The following ENTREP2 variants were observed in gnomAD, a reference collection of about 807,000 sequenced individuals.
ENTREP2 encodes the protein protein ENTREP2.
chr15:29,209,196 A>G, the ENTREP2 span, among the ~76,000 whole-genome samples: 1 of 152,138 alleles, frequency 6.6e-6, no homozygotes, highest in Non-Finnish European at 1.5e-5. Context: ...ACAGAGGATT[A>G]ATTTTTAAAA....
the ENTREP2 span, among the ~76,000 whole-genome samples, chr15:29,338,425 CAAA>C: frequency 5.0e-5 from 4 of 80,592 alleles, no homozygotes; most frequent in Non-Finnish European, 5.4e-5. Context: ...GACTCCATCT[CAAA>C]AAAAAAAAAA....
the ENTREP2 span, among the ~76,000 whole-genome samples, chr15:29,447,686 C>T: frequency 2.4e-3 from 367 of 149,814 alleles, 20 homozygotes; most frequent in East Asian, 0.066. Context: ...ATGGGGGTCT[C>T]GCCATGTTGC....
At chr15:29,202,978 T>C in the ENTREP2 span, among the ~76,000 whole-genome samples, 4 of 152,244 alleles carry the variant, frequency 2.6e-5, no homozygotes, top group Admixed American at 6.5e-5. Context: ...CAGAATGATT[T>C]ATAATCCTTT....
the ENTREP2 span, among the ~76,000 whole-genome samples, chr15:29,603,102 A>G: frequency 2.0e-5 from 3 of 152,174 alleles, no homozygotes; most frequent in African/African-American, 7.2e-5. Context: ...CTCTGGCTGC[A>G]GTGTGGTGAG....
the ENTREP2 span, chr15:29,374,026 T>C: frequency 6.6e-6 from 1 of 151,982 alleles, no homozygotes. Context: ...TAATTGTCTA[T>C]CTCTAAGTGT....
chr15:29,648,956 A>ACAAC, the ENTREP2 span, among the ~76,000 whole-genome samples: 557 of 151,336 alleles, frequency 3.7e-3, 3 homozygotes, highest in African/African-American at 0.013. Context: ...AACAACAACA[A>ACAAC]AAAAAACTGT....
chr15:29,343,030 G>GGGGC, the ENTREP2 span, among the ~76,000 whole-genome samples: 5 of 148,892 alleles, frequency 3.4e-5, no homozygotes, highest in South Asian at 4.4e-4. Flanking sequence ...AAAGGAATGG[G>GGGGC]GGGGGTGGTT....
the ENTREP2 span, among the ~76,000 whole-genome samples, chr15:29,646,788 T>C: frequency 6.6e-6 from 1 of 152,148 alleles, no homozygotes; most frequent in African/African-American, 2.4e-5. Context: ...TGGCCTACCA[T>C]ATCTATAGAC....
At chr15:29,603,480 G>A in the ENTREP2 span, among the ~76,000 whole-genome samples, 160 of 152,242 alleles carry the variant, frequency 1.1e-3, no homozygotes, top group African/African-American at 3.8e-3. Context: ...AAAAGAACCT[G>A]CAAAGATGAC....
chr15:29,587,385 G>A, the ENTREP2 span, among the ~76,000 whole-genome samples: 1 of 151,970 alleles, frequency 6.6e-6, no homozygotes, highest in Non-Finnish European at 1.5e-5. Flanking sequence ...ATGACAAAAG[G>A]GTTCAGGAGC....
At chr15:29,429,190 TATCCATCCATCC>T in the ENTREP2 span, among the ~76,000 whole-genome samples, 157 of 149,272 alleles carry the variant, frequency 1.1e-3, no homozygotes, top group South Asian at 5.6e-3. Context: ...GATGTCTATC[TATCCATCCATCC>T]ATCCATCCAT....
At chr15:29,408,227 G>A in the ENTREP2 span, among the ~76,000 whole-genome samples, 1 of 152,144 alleles carries the variant, frequency 6.6e-6, no homozygotes, top group African/African-American at 2.4e-5. Context: ...CTAGGCACAG[G>A]GGATCCAGCA....
the ENTREP2 span, among the ~76,000 whole-genome samples, chr15:29,626,114 G>T: frequency 6.6e-6 from 1 of 152,118 alleles, no homozygotes; most frequent in African/African-American, 2.4e-5. Flanking sequence ...CCCAAACTTA[G>T]AATGGTTTCT....
chr15:29,310,469 A>T, the ENTREP2 span, among the ~76,000 whole-genome samples: 1 of 152,094 alleles, frequency 6.6e-6, no homozygotes, highest in African/African-American at 2.4e-5. Flanking sequence ...AGAACCCAAG[A>T]CCTAGCAAGG....
the ENTREP2 span, among the ~76,000 whole-genome samples, chr15:29,231,925 C>T: frequency 8.1e-4 from 116 of 143,882 alleles, 1 homozygote; most frequent in African/African-American, 2.9e-3. Context: ...GAGTCTCACT[C>T]TGCTGCCCAG....
chr15:29,447,030 A>T, the ENTREP2 span, among the ~76,000 whole-genome samples: 4 of 152,114 alleles, frequency 2.6e-5, no homozygotes, highest in African/African-American at 9.7e-5. Context: ...CCCCTTTACC[A>T]CATAACCTAA....
the ENTREP2 span, among the ~76,000 whole-genome samples, chr15:29,415,213 C>G: frequency 1.3e-5 from 2 of 152,022 alleles, no homozygotes; most frequent in Non-Finnish European, 2.9e-5. Context: ...GAGAATTTTA[C>G]ACCAATATCC....
At chr15:29,635,003 C>T in the ENTREP2 span, among the ~76,000 whole-genome samples, 2 of 152,180 alleles carry the variant, frequency 1.3e-5, no homozygotes, top group Admixed American at 6.5e-5. Context: ...TGCCACCACA[C>T]CCGGCTATTC....
the ENTREP2 span, among the ~76,000 whole-genome samples, chr15:29,324,687 G>A: frequency 1.3e-5 from 2 of 152,114 alleles, no homozygotes; most frequent in African/African-American, 2.4e-5. Flanking sequence ...GTGATATAAA[G>A]GTCAGTTTCC....
Sources: gnomAD v4.1 joint callset for allele counts (sites outside exome capture counted in the v4.1 genomes callset) on GRCh38, gnomAD v4.1.1 for gene constraint, MANE v1.5 for transcripts, NCBI Gene and HGNC (gene_info 2026-07-23, HGNC 2026-07-21) for gene names.